Variants in MYOM1 observed in about 807,000 individuals in gnomAD.
MYOM1 encodes the protein myomesin 1.
MYOM1 carries 164 observed loss-of-function variants against 205.3 expected under a neutral mutation model. The observed-to-expected ratio is 0.80, with a 90% CI of 0.70 to 0.91. MYOM1 has a LOEUF of 0.91. Among genes scored for constraint, MYOM1 ranks in the 40% least tolerant of loss-of-function variants. The pLI is 0.00. For missense variants in MYOM1, 2,011 were observed against 2,127.3 expected (o/e 0.95, Z 1.08); for synonymous variants, 772 against 789.4 (o/e 0.98, Z 0.37).
At chr18:3,241,678 A>C in the MYOM1 span, among the ~76,000 whole-genome samples, 1 of 152,204 alleles carries the variant, frequency 6.6e-6, no homozygotes, top group Non-Finnish European at 1.5e-5. Context: ...GAAGAGGACC[A>C]CTGTCCTCCA....
chr18:3,127,899 G>A (rs1015637116), intron 18 of MYOM1, among the ~76,000 whole-genome samples: 1 of 152,142 alleles, frequency 6.6e-6, no homozygotes, highest in African/African-American at 2.4e-5. Context: ...TGCTTAGCTA[G>A]AAAAATATCT....
intron 10 of MYOM1, among the ~76,000 whole-genome samples, chr18:3,158,539 C>G (rs1281648166): frequency 6.6e-6 from 1 of 152,198 alleles, no homozygotes; most frequent in Non-Finnish European, 1.5e-5. Flanking sequence ...TCCTCCATTC[C>G]TTTACCCCAG....
At position 3,112,414 on chromosome 18, in the gene MYOM1, T is replaced by G; in HGVS notation, c.3304-2A>C. On this transcript the variant is annotated splice_acceptor_variant, in intron 21 of 37. Coordinates refer to ENST00000356443, the MANE Select transcript of MYOM1 (RefSeq NM_003803.4). LOFTEE classifies it high-confidence loss of function. ...GACGCCCTCCTTGAGGCCTCGAACC[T>G]GGTAGAAGCAGGTGTAGAAGCAATG... 1 of 1,593,108 alleles carries G rather than the reference T, an allele frequency of 6.3e-7. No individual in the cohort carries two copies.
chr18:3,128,019 A>G (rs1323670728), intron 18 of MYOM1, among the ~76,000 whole-genome samples: 1 of 152,244 alleles, frequency 6.6e-6, no homozygotes, highest in Non-Finnish European at 1.5e-5. Flanking sequence ...AGTGGTGGAA[A>G]GAAATACATC....
chr18:3,213,698 C>G (rs945354111), intron 2 of MYOM1, among the ~76,000 whole-genome samples: 2 of 152,166 alleles, frequency 1.3e-5, no homozygotes, highest in Admixed American at 6.5e-5. Context: ...GAGAAACTTT[C>G]TTCTCTAATA....
At position 3,091,528 on chromosome 18, in the gene MYOM1, C is replaced by A. The variant is rs201499793; in HGVS notation, c.3865-726G>T. On this transcript the variant is annotated intron_variant, in intron 26 of 37. Transcript: ENST00000356443. ...ATTAGAATAATAATTTAAATAAAAT[C>A]TCTTCATAACTGAACAAGTGCTTTA... 7.9e-5 allele frequency among the ~76,000 whole-genome samples: 12 copies of A among 151,846 alleles called. No homozygotes were observed. In the East Asian group the frequency reaches 9.7e-4, roughly 12 times the overall value.
At chr18:3,226,584 C>T in the MYOM1 span, among the ~76,000 whole-genome samples, 2 of 152,160 alleles carry the variant, frequency 1.3e-5, no homozygotes, top group African/African-American at 4.8e-5. The surrounding 1 kb of genome is among the most constrained non-coding windows in gnomAD (Gnocchi z 4.6). Flanking sequence ...CTTCCTTCAC[C>T]CCGCTCCTTC....
At chr18:3,138,517 T>TAACC in intron 14 of MYOM1, among the ~76,000 whole-genome samples, 1 of 152,188 alleles carries the variant, frequency 6.6e-6, no homozygotes, top group East Asian at 1.9e-4. Flanking sequence ...TTTGACAAGG[T>TAACC]AACCTCTAAA....
chr18:3,218,849 C>T (rs1220047750), intron 1 of MYOM1, among the ~76,000 whole-genome samples: 2 of 152,054 alleles, frequency 1.3e-5, no homozygotes, highest in African/African-American at 2.4e-5. Context: ...CTATTTTTTA[C>T]TCTCTTTATT....
chr18:3,238,746 CTG>C, the MYOM1 span, among the ~76,000 whole-genome samples: 1 of 152,172 alleles, frequency 6.6e-6, no homozygotes, highest in African/African-American at 2.4e-5. Context: ...GTCAGGGAGA[CTG>C]TGTTCCTTTC....
At chr18:3,109,658 G>A (rs149785278) in intron 22 of MYOM1, among the ~76,000 whole-genome samples, 85 of 152,270 alleles carry the variant, frequency 5.6e-4, no homozygotes, top group African/African-American at 1.9e-3. Flanking sequence ...AGTTGTTGTC[G>A]TTGTTGCCTA....
At chr18:3,203,528 A>G (rs1224679838) in intron 2 of MYOM1, among the ~76,000 whole-genome samples, 1 of 151,882 alleles carries the variant, frequency 6.6e-6, no homozygotes, top group Non-Finnish European at 1.5e-5. Flanking sequence ...TAGACAACTT[A>G]GACAAAATAG....
intron 2 of MYOM1, among the ~76,000 whole-genome samples, chr18:3,205,213 ATTG>A (rs1456371409): frequency 6.6e-6 from 1 of 152,150 alleles, no homozygotes; most frequent in Non-Finnish European, 1.5e-5. Flanking sequence ...AAGGAACAAA[ATTG>A]TTGAACTGAA....
chr18:3,122,749 A>G (rs2079715075), intron 19 of MYOM1, among the ~76,000 whole-genome samples: 1 of 152,230 alleles, frequency 6.6e-6, no homozygotes, highest in African/African-American at 2.4e-5. Context: ...GACAATTACT[A>G]GAATATACCA....
chr18:3,146,717 T>C (rs552659403), intron 13 of MYOM1, among the ~76,000 whole-genome samples: 13 of 152,140 alleles, frequency 8.5e-5, no homozygotes, highest in African/African-American at 3.1e-4. Context: ...AAGGCAAAGA[T>C]GACCAGTCTA....
rs1473198856 is a variant in MYOM1, at chr18:3,116,470, A to C, written c.3164T>G (p.Leu1055Arg). ...LKCSEVRKDSLVLQWKPPVHS... is the reference protein window; with the variant it reads ...LKCSEVRKDSRVLQWKPPVHS... ...GACTGGCGGCTTCCACTGGAGAACC[A>C]GTGAGTCTTTCCTGACTTCACTACA... The change falls in exon 21 of 38, where the codon CTG becomes CGG. Residue 1055 changes from leucine (L) to arginine (R), a missense_variant. Coordinates refer to ENST00000356443, the MANE Select transcript of MYOM1 (RefSeq NM_003803.4). The C allele has an allele frequency of 3.1e-6, 5 of 1,609,778 alleles. No homozygotes were observed. Among genetic ancestry groups the C allele is most frequent in the Non-Finnish European group, 4.2e-6 (5 of 1,177,546 alleles).
At chr18:3,076,275 G>A (rs114189953) in intron 34 of MYOM1, among the ~76,000 whole-genome samples, 1,608 of 152,120 alleles carry the variant, frequency 0.011, 21 homozygotes, top group African/African-American at 0.036. Context: ...ACCATTTTGG[G>A]CAGGGTGGTC....
chr18:3,166,848 C>A (rs1250274362), intron 9 of MYOM1, among the ~76,000 whole-genome samples: 1 of 152,052 alleles, frequency 6.6e-6, no homozygotes, highest in African/African-American at 2.4e-5. Flanking sequence ...TAGTACACTA[C>A]TAAATATGTC....
intron 2 of MYOM1, among the ~76,000 whole-genome samples, chr18:3,194,592 G>A (rs1294231268): frequency 2.6e-5 from 4 of 152,304 alleles, no homozygotes; most frequent in African/African-American, 9.6e-5. Flanking sequence ...CTTGGAGGCA[G>A]GTAGTGTTCT....
Sources: allele counts gnomAD v4.1 joint callset (sites outside exome capture counted in the v4.1 genomes callset), GRCh38; gene constraint gnomAD v4.1.1; non-coding constraint Gnocchi (gnomAD v3.1); transcripts MANE v1.5; gene names NCBI Gene and HGNC (gene_info 2026-07-23, HGNC 2026-07-21).